The following DPP10 variants were observed in gnomAD, a reference collection of about 807,000 sequenced individuals.
The protein encoded by DPP10 is dipeptidyl peptidase like 10, also known as inactive dipeptidyl peptidase 10.
Under a neutral mutation model 120.9 loss-of-function variants are expected in DPP10, and 33 were observed. The observed-to-expected ratio is 0.27, with a 90% CI of 0.21 to 0.37. The LOEUF (loss-of-function observed/expected upper bound fraction) is 0.37, where lower values mean the gene tolerates loss of function less well. Among genes scored for constraint, DPP10 ranks in the 10% least tolerant of loss-of-function variants. DPP10 has a pLI of 1.00. For missense variants in DPP10, 816 were observed against 942.8 expected, an observed-to-expected ratio of 0.87 and a Z score of 1.76; for synonymous variants, 337 against 326.1, an observed-to-expected ratio of 1.03 and a Z score of -0.36.
intron 5 of DPP10, among the ~76,000 whole-genome samples, chr2:115,592,741 T>G (rs1208455529): frequency 6.6e-6 from 1 of 150,800 alleles, no homozygotes; most frequent in Non-Finnish European, 1.5e-5. Context: ...GGTGACAGAG[T>G]GACACTCGGT....
intron 3 of DPP10, among the ~76,000 whole-genome samples, chr2:115,390,588 A>G (rs1208230180): frequency 1.3e-5 from 2 of 152,090 alleles, no homozygotes; most frequent in African/African-American, 2.4e-5. Flanking sequence ...TTTTCTCAGC[A>G]TACCAATTTT....
chr2:115,726,590 A>G (rs1249683075), intron 7 of DPP10, among the ~76,000 whole-genome samples: 1 of 152,004 alleles, frequency 6.6e-6, no homozygotes, highest in Non-Finnish European at 1.5e-5. Context: ...GTTTTTATTT[A>G]TTTTTAAATT....
chr2:115,064,850 G>T, intron 1 of DPP10: 3 of 1,301,836 alleles, frequency 2.3e-6, no homozygotes, highest in African/African-American at 1.5e-5. Context: ...TTTCTAGCAG[G>T]GTTTCTGATT....
intron 1 of DPP10, among the ~76,000 whole-genome samples, chr2:114,556,104 G>A (rs992560186): frequency 1.3e-5 from 2 of 151,786 alleles, no homozygotes; most frequent in African/African-American, 4.8e-5. Context: ...GGCAGTTGGT[G>A]GAGCATCAAC....
chr2:115,644,818 G>A (rs963133634), intron 5 of DPP10, among the ~76,000 whole-genome samples: 1 of 151,992 alleles, frequency 6.6e-6, no homozygotes, highest in South Asian at 2.1e-4. Context: ...TAATTGAATA[G>A]GAGTTTGGTG....
At chr2:114,723,214 C>G (rs2105913751) in intron 1 of DPP10, among the ~76,000 whole-genome samples, 1 of 152,306 alleles carries the variant, frequency 6.6e-6, no homozygotes. Flanking sequence ...TGCTTCTAAG[C>G]TTGATTCCTT....
chr2:115,628,511 C>T (rs999498898), intron 5 of DPP10, among the ~76,000 whole-genome samples: 5 of 152,078 alleles, frequency 3.3e-5, no homozygotes, highest in Non-Finnish European at 7.4e-5. Context: ...TGCAGAAGCT[C>T]TTTAGTTTAA....
intron 5 of DPP10, among the ~76,000 whole-genome samples, chr2:115,678,747 G>A (rs190749549): frequency 9.1e-4 from 138 of 152,278 alleles, no homozygotes; most frequent in Admixed American, 1.6e-3. Flanking sequence ...AAAGCTGCAG[G>A]CACTCAACAC....
At chr2:114,880,989 T>G (rs530254250) in intron 1 of DPP10, among the ~76,000 whole-genome samples, 1 of 152,248 alleles carries the variant, frequency 6.6e-6, no homozygotes, top group African/African-American at 2.4e-5. Flanking sequence ...TTGCTTATCT[T>G]TCTGATGCCA....
chr2:115,710,195 A>T (rs1303878485), intron 7 of DPP10, among the ~76,000 whole-genome samples: 1 of 152,136 alleles, frequency 6.6e-6, no homozygotes, highest in Non-Finnish European at 1.5e-5. Flanking sequence ...GAATAATATG[A>T]TAGGGGAACT....
chr2:115,564,844 A>G (rs896498732), intron 5 of DPP10, among the ~76,000 whole-genome samples: 7 of 152,212 alleles, frequency 4.6e-5, no homozygotes, highest in Non-Finnish European at 8.8e-5. Flanking sequence ...TATTGATAGA[A>G]GAATCAATAG....
chr2:115,395,264 G>T (rs745788983), intron 3 of DPP10, among the ~76,000 whole-genome samples: 1 of 152,156 alleles, frequency 6.6e-6, no homozygotes, highest in South Asian at 2.1e-4. Context: ...GTGCACCCCA[G>T]TATCTCTTTT....
intron 1 of DPP10, among the ~76,000 whole-genome samples, chr2:114,983,693 G>C (rs1007520625): frequency 2.0e-5 from 3 of 152,116 alleles, no homozygotes; most frequent in African/African-American, 7.2e-5. Context: ...AAAAAGGGGA[G>C]AAAAAGCAAA....
At chr2:114,463,886 A>T (rs1679135403) in intron 1 of DPP10, among the ~76,000 whole-genome samples, 1 of 152,176 alleles carries the variant, frequency 6.6e-6, no homozygotes, top group Admixed American at 6.5e-5. Flanking sequence ...TGTGAATAAG[A>T]TCATAGATTA....
At chr2:115,471,465 T>TA (rs2074710952) in intron 3 of DPP10, among the ~76,000 whole-genome samples, 1 of 152,184 alleles carries the variant, frequency 6.6e-6, no homozygotes, top group Non-Finnish European at 1.5e-5. Flanking sequence ...GATTGGCCCT[T>TA]ACCTTGCTCT....
chr2:114,874,399 A>C (rs776469321), intron 1 of DPP10, among the ~76,000 whole-genome samples: 6 of 152,108 alleles, frequency 3.9e-5, no homozygotes, highest in Non-Finnish European at 5.9e-5. Context: ...GCCTGCTTCC[A>C]TTTCCAACAT....
intron 1 of DPP10, among the ~76,000 whole-genome samples, chr2:114,517,623 A>G (rs1684706993): frequency 6.6e-6 from 1 of 152,192 alleles, no homozygotes; most frequent in Non-Finnish European, 1.5e-5. Flanking sequence ...AGTTTACATT[A>G]TGGTTTCTAA....
chr2:115,139,952 C>T (rs2050839395), intron 1 of DPP10, among the ~76,000 whole-genome samples: 1 of 151,910 alleles, frequency 6.6e-6, no homozygotes, highest in South Asian at 2.1e-4. Flanking sequence ...ATTCATGTAC[C>T]ATGACAGACA....
chr2:114,752,790 C>T (rs549339682), intron 1 of DPP10, among the ~76,000 whole-genome samples: 1 of 152,160 alleles, frequency 6.6e-6, no homozygotes, highest in Non-Finnish European at 1.5e-5. Context: ...TTACTTGCTT[C>T]CGTTTTCCAC....
Sources: allele counts gnomAD v4.1 joint callset (sites outside exome capture counted in the v4.1 genomes callset), GRCh38; gene constraint gnomAD v4.1.1; transcripts MANE v1.5; gene names NCBI Gene and HGNC (gene_info 2026-07-23, HGNC 2026-07-21).